The following RABGEF1 variants were observed in gnomAD, a reference collection of about 807,000 sequenced individuals.
RABGEF1 encodes rab5 GDP/GTP exchange factor.
Under a neutral mutation model 57.3 loss-of-function variants are expected in RABGEF1, and 26 were observed. The observed-to-expected ratio is 0.45, with a 90% CI of 0.33 to 0.63. The LOEUF (loss-of-function observed/expected upper bound fraction) is 0.63. Among genes scored for constraint, RABGEF1 ranks in the 20% least tolerant of loss-of-function variants. The pLI is 0.02. For synonymous variants in RABGEF1, 185 were observed against 210.7 expected, an observed-to-expected ratio of 0.88 and a Z score of 1.06; for missense variants, 464 against 607.6, an observed-to-expected ratio of 0.76 and a Z score of 2.48.
intron 2 of RABGEF1, among the ~76,000 whole-genome samples, chr7:66,735,451 G>C (rs1797834099): frequency 6.6e-6 from 1 of 152,236 alleles, no homozygotes; most frequent in Admixed American, 6.5e-5. Context: ...GTGACCTTGG[G>C]TGAGTTACCT....
chr7:66,720,905 A>G (rs748668728), intron 2 of RABGEF1, among the ~76,000 whole-genome samples: 1 of 152,160 alleles, frequency 6.6e-6, no homozygotes, highest in Non-Finnish European at 1.5e-5. Context: ...TTTTAAAAAC[A>G]AAGCCATTAT....
the RABGEF1 span, among the ~76,000 whole-genome samples, chr7:66,664,184 C>T: frequency 1.3e-5 from 2 of 151,710 alleles, no homozygotes; most frequent in Non-Finnish European, 2.9e-5. Flanking sequence ...ATCGGTGAAC[C>T]TGAAGAGTTT....
At chr7:66,660,922 C>T in the RABGEF1 span, among the ~76,000 whole-genome samples, 1 of 152,086 alleles carries the variant, frequency 6.6e-6, no homozygotes, top group East Asian at 1.9e-4. Flanking sequence ...TTAAAAAATT[C>T]TTAGGAAAAC....
At chr7:66,757,554 C>G (rs1803060402) in intron 1 of RABGEF1, among the ~76,000 whole-genome samples, 1 of 152,222 alleles carries the variant, frequency 6.6e-6, no homozygotes, top group Non-Finnish European at 1.5e-5. Flanking sequence ...TGAATGAATG[C>G]AGAGGGAACA....
At chr7:66,743,037 C>T (rs540162572) in intron 1 of RABGEF1, among the ~76,000 whole-genome samples, 64 of 152,206 alleles carry the variant, frequency 4.2e-4, no homozygotes, top group Non-Finnish European at 7.8e-4. Flanking sequence ...TGGCCAGGCG[C>T]GGTGGCTCAC....
At chr7:66,748,233 A>G (rs112133086) in intron 1 of RABGEF1, among the ~76,000 whole-genome samples, 15 of 152,334 alleles carry the variant, frequency 9.8e-5, no homozygotes, top group African/African-American at 3.6e-4. Context: ...ACATCAAAAC[A>G]TTCCGTAAAA....
In RABGEF1 at chr7:66,718,064, T is replaced by G. The variant is rs539501584; in HGVS notation, c.-815+5840T>G. Among the ~76,000 whole-genome samples, 82 of 152,194 alleles carry G rather than the reference T, an allele frequency of 5.4e-4. 1 individual carries two copies. The South Asian group carries it at 0.012, about 22-fold the overall frequency. On this transcript the variant is annotated intron_variant and NMD_transcript_variant, in intron 2 of 9. Transcript: ENST00000607882. The stretch of plus-strand genomic sequence containing the variant: ...AAAATATTCTCCCTTAGAAAACTAG[T>G]TAAATAGGTAGGCCAGGCATGGTGG...
chr7:66,714,918 G>C (rs1353004095), intron 2 of RABGEF1, among the ~76,000 whole-genome samples: 1 of 152,194 alleles, frequency 6.6e-6, no homozygotes, highest in Non-Finnish European at 1.5e-5. Context: ...CTGGGCGACA[G>C]AGCGAGACTC....
intron 3 of RABGEF1, among the ~76,000 whole-genome samples, chr7:66,779,065 A>G (rs992336167): frequency 2.6e-5 from 4 of 152,156 alleles, no homozygotes; most frequent in Admixed American, 2.0e-4. Context: ...CAGTGAGCTG[A>G]GATCGTGCCA....
At chr7:66,675,529 A>T in the RABGEF1 span, among the ~76,000 whole-genome samples, 2 of 152,164 alleles carry the variant, frequency 1.3e-5, no homozygotes, top group African/African-American at 4.8e-5. Flanking sequence ...ATCATGAACA[A>T]GACAAGGATA....
chr7:66,808,576 CCA>C (rs1788981704), intron 8 of RABGEF1, among the ~76,000 whole-genome samples: 1 of 152,086 alleles, frequency 6.6e-6, no homozygotes, highest in East Asian at 1.9e-4. Context: ...GGTCTGTGTG[CCA>C]CACCTACTTG....
intron 4 of RABGEF1, among the ~76,000 whole-genome samples, chr7:66,787,006 T>C (rs1811330942): frequency 1.3e-5 from 2 of 152,276 alleles, no homozygotes; most frequent in Admixed American, 1.3e-4. Flanking sequence ...TAAAACCTAA[T>C]CTGTACAACA....
chr7:66,660,621 G>A, the RABGEF1 span, among the ~76,000 whole-genome samples: 80 of 151,920 alleles, frequency 5.3e-4, no homozygotes, highest in African/African-American at 1.8e-3. Context: ...GGACAAGAGC[G>A]AGACTTCTCA....
intron 1 of RABGEF1, among the ~76,000 whole-genome samples, chr7:66,694,977 G>GT (rs1792101001): frequency 6.6e-6 from 1 of 152,156 alleles, no homozygotes; most frequent in African/African-American, 2.4e-5. Flanking sequence ...CCCAGGGAGA[G>GT]TATGGTGTCA....
At chr7:66,729,695 G>C (rs1219550860) in intron 2 of RABGEF1, among the ~76,000 whole-genome samples, 1 of 152,172 alleles carries the variant, frequency 6.6e-6, no homozygotes, top group African/African-American at 2.4e-5. Flanking sequence ...CCAGTCTCCA[G>C]GTGGGTCTCC....
chr7:66,795,712 C>T (rs1813869683), intron 5 of RABGEF1, 120 bp downstream of exon 5: 13 of 904,510 alleles, frequency 1.4e-5, no homozygotes, highest in Non-Finnish European at 2.4e-5. Flanking sequence ...CCTGTAACCT[C>T]ATGGACATTC....
chr7:66,804,586 G>A (rs1788009761), intron 7 of RABGEF1, among the ~76,000 whole-genome samples: 1 of 151,920 alleles, frequency 6.6e-6, no homozygotes, highest in Non-Finnish European at 1.5e-5. Flanking sequence ...AATACAAAAA[G>A]TAGCTGGGTG....
chr7:66,770,024 CGTAA>C (rs1225338464), intron 1 of RABGEF1, among the ~76,000 whole-genome samples: 2 of 152,178 alleles, frequency 1.3e-5, no homozygotes, highest in South Asian at 2.1e-4. Flanking sequence ...CTCTATACTC[CGTAA>C]GTGAGAATTC....
intron 2 of RABGEF1, among the ~76,000 whole-genome samples, chr7:66,716,955 T>C (rs1440065099): frequency 6.6e-6 from 1 of 152,180 alleles, no homozygotes; most frequent in Non-Finnish European, 1.5e-5. Flanking sequence ...AGTTTTGTAT[T>C]TTTAGTAGAG....
Sources: gnomAD v4.1 joint callset for allele counts (sites outside exome capture counted in the v4.1 genomes callset) on GRCh38, gnomAD v4.1.1 for gene constraint, MANE v1.5 for transcripts, NCBI Gene and HGNC (gene_info 2026-07-23, HGNC 2026-07-21) for gene names.